Variants in ADAMTSL1 observed in about 807,000 individuals in gnomAD.
ADAMTSL1 encodes the protein ADAMTS-like protein 1.
Under a neutral mutation model 201.8 loss-of-function variants are expected in ADAMTSL1, and 126 were observed. The ratio of observed to expected loss-of-function variants is 0.62; its 90% confidence interval spans 0.54 to 0.72. ADAMTSL1 has a LOEUF of 0.72. ADAMTSL1 is among the 30% of genes least tolerant of loss of function. The pLI is 0.00. For synonymous variants in ADAMTSL1, 1,121 were observed against 903.4 expected (o/e 1.24, Z -4.32); for missense variants, 2,679 against 2,277.8 (o/e 1.18, Z -3.59).
chr9:18,007,398 A>G (rs1398119889), intron 1 of ADAMTSL1, among the ~76,000 whole-genome samples: 1 of 152,052 alleles, frequency 6.6e-6, no homozygotes, highest in Non-Finnish European at 1.5e-5. Context: ...TTAGAAATCT[A>G]CCTTTTCAGG....
chr9:18,355,442 C>T (rs1013252686), intron 2 of ADAMTSL1, among the ~76,000 whole-genome samples: 1 of 152,014 alleles, frequency 6.6e-6, no homozygotes, highest in Admixed American at 6.6e-5. Context: ...TATTTTCATC[C>T]CTCTCAGTTG....
At chr9:18,323,259 C>G (rs1239834408) in intron 2 of ADAMTSL1, among the ~76,000 whole-genome samples, 1 of 151,882 alleles carries the variant, frequency 6.6e-6, no homozygotes, top group Non-Finnish European at 1.5e-5. Context: ...ATGTGGCATA[C>G]CACAATAAGA....
intron 2 of ADAMTSL1, among the ~76,000 whole-genome samples, chr9:18,351,224 A>T (rs2133027307): frequency 6.6e-6 from 1 of 151,568 alleles, no homozygotes; most frequent in East Asian, 1.9e-4. Context: ...CCTTGGGAGG[A>T]GAGAAAAATA....
At chr9:18,207,919 G>C (rs1465687370) in intron 2 of ADAMTSL1, among the ~76,000 whole-genome samples, 2 of 152,120 alleles carry the variant, frequency 1.3e-5, no homozygotes, top group East Asian at 1.9e-4. Context: ...GCATGATTTG[G>C]CTCTAGAGAG....
intron 19 of ADAMTSL1, among the ~76,000 whole-genome samples, chr9:18,781,212 G>T (rs1052230180): frequency 2.6e-5 from 4 of 152,182 alleles, no homozygotes; most frequent in African/African-American, 9.7e-5. Context: ...CAGAGGGAAA[G>T]TCCTGGATTC....
At position 18,653,643 on chromosome 9, in the gene ADAMTSL1, G is replaced by A. The variant is rs1319795888; in HGVS notation, c.835-3996G>A. The stretch of plus-strand genomic sequence containing the variant: ...AGAAAAAAAAAAAAAAAAACTCTGA[G>A]CTAGGGGCCTATGGGCTGAACTGCA... On this transcript the variant is annotated intron_variant, in intron 7 of 28. Coordinates refer to ENST00000380548, the MANE Select transcript of ADAMTSL1 (RefSeq NM_001040272.6). 3.3e-5 allele frequency among the ~76,000 whole-genome samples: 5 copies of A among 150,660 alleles called. No homozygotes were observed. In the East Asian group the frequency reaches 9.8e-4, roughly 29 times the overall value.
Position 18,770,742 on chromosome 9 carries a change from T to G in ADAMTSL1, c.2358T>G (p.Asp786Glu). 6.2e-7 allele frequency: 1 copy of G among 1,613,892 alleles called. No homozygotes were observed. Among genetic ancestry groups the G allele is most frequent in the Non-Finnish European group, 8.5e-7 (1 of 1,179,860 alleles). The stretch of plus-strand genomic sequence containing the variant: ...CCTGCCAGCAAGCATGCAAGAAAGA[T>G]GACTGTCCCAGCGAGTGGCTTCTCT... ...KPACQQACKKDDCPSEWLLSD... is the reference protein window; with the variant it reads ...KPACQQACKKEDCPSEWLLSD... Residue 786 changes from aspartate to glutamate, a missense_variant, in exon 17 of 29, where the codon GAT becomes GAG. Asp to Glu is a conservative substitution (Grantham distance 45). Coordinates refer to ENST00000380548, the MANE Select transcript of ADAMTSL1 (RefSeq NM_001040272.6).
At chr9:18,702,006 C>G (rs1831951325) in intron 13 of ADAMTSL1, among the ~76,000 whole-genome samples, 1 of 152,176 alleles carries the variant, frequency 6.6e-6, no homozygotes, top group Non-Finnish European at 1.5e-5. Context: ...GGAGGCCTCA[C>G]AATCATGGTG....
chr9:18,079,173 C>G (rs1823365141), intron 1 of ADAMTSL1, among the ~76,000 whole-genome samples: 1 of 152,072 alleles, frequency 6.6e-6, no homozygotes, highest in Non-Finnish European at 1.5e-5. Flanking sequence ...AGTTCTCACC[C>G]CAAAAATCCT....
intron 21 of ADAMTSL1, among the ~76,000 whole-genome samples, chr9:18,818,437 T>C (rs907141542): frequency 3.3e-5 from 5 of 152,176 alleles, no homozygotes; most frequent in African/African-American, 1.2e-4. Flanking sequence ...AACCTAGGGC[T>C]TACTGTTTCC....
At chr9:17,961,704 G>A (rs902604160) in intron 1 of ADAMTSL1, among the ~76,000 whole-genome samples, 3 of 152,208 alleles carry the variant, frequency 2.0e-5, no homozygotes, top group Non-Finnish European at 2.9e-5. Flanking sequence ...CTTTGCTGCT[G>A]TGTGAAGCAT....
chr9:18,718,087 A>G, intron 14 of ADAMTSL1: 3 of 1,419,634 alleles, frequency 2.1e-6, no homozygotes, highest in East Asian at 4.5e-5. Flanking sequence ...TGAATTTTGT[A>G]GAAGAATCTA....
intron 2 of ADAMTSL1, among the ~76,000 whole-genome samples, chr9:18,278,616 A>G (rs570835746): frequency 1.3e-5 from 2 of 152,140 alleles, no homozygotes; most frequent in African/African-American, 4.8e-5. Context: ...GTATTTAATT[A>G]TACTCTGTTT....
intron 16 of ADAMTSL1, among the ~76,000 whole-genome samples, chr9:18,755,945 A>T (rs1819721269): frequency 6.6e-6 from 1 of 151,568 alleles, no homozygotes; most frequent in Non-Finnish European, 1.5e-5. Context: ...ATTGTGAAAA[A>T]TAGTCAAACA....
chr9:18,156,078 T>C (rs114419249), intron 1 of ADAMTSL1, among the ~76,000 whole-genome samples: 1,887 of 152,084 alleles, frequency 0.012, 41 homozygotes, highest in African/African-American at 0.044. Flanking sequence ...CTGGGGAGTC[T>C]TTGAGCAGAA....
chr9:17,945,517 G>T (rs9407888), intron 1 of ADAMTSL1, among the ~76,000 whole-genome samples: 1 of 151,460 alleles, frequency 6.6e-6, no homozygotes, highest in East Asian at 1.9e-4. Context: ...ACATGCACAC[G>T]TATGTTTATT....
Position 18,287,630 on chromosome 9 carries a change from C to A in ADAMTSL1, c.207+123649C>A, listed in dbSNP as rs56829040. ...GCATATATGTATGTGTATACATATA[C>A]GCATATATGTATGTGTATACATATA... On this transcript the variant is annotated intron_variant, in intron 2 of 29. Transcript: ENST00000680146. Among the ~76,000 whole-genome samples the A allele has an allele frequency of 2.5e-3, 346 of 140,968 alleles. 3 individuals carry two copies. Among genetic ancestry groups the A allele is most frequent in the African/African-American group, 7.9e-3 (305 of 38,546 alleles). 92.5% of individuals were successfully genotyped at this position (140,968 alleles called of 152,430 possible).
intron 3 of ADAMTSL1, among the ~76,000 whole-genome samples, chr9:18,565,650 C>T (rs78159346): frequency 0.018 from 2,670 of 151,596 alleles, 80 homozygotes; most frequent in African/African-American, 0.06. Flanking sequence ...GCTATGGCAC[C>T]ATCCTCCAAA....
intron 2 of ADAMTSL1, among the ~76,000 whole-genome samples, chr9:18,247,891 A>G (rs1239055647): frequency 6.6e-6 from 1 of 152,150 alleles, no homozygotes; most frequent in Non-Finnish European, 1.5e-5. Flanking sequence ...ATATATATGG[A>G]TTGGATACTA....
Sources: gnomAD v4.1 joint callset for allele counts (sites outside exome capture counted in the v4.1 genomes callset) on GRCh38, gnomAD v4.1.1 for gene constraint, MANE v1.5 for transcripts, NCBI Gene and HGNC (gene_info 2026-07-23, HGNC 2026-07-21) for gene names.